Variants in ANKRD44 observed in about 807,000 individuals in gnomAD.
ANKRD44 encodes the protein serine/threonine-protein phosphatase 6 regulatory ankyrin repeat subunit B.
A neutral mutation model predicts 116.0 loss-of-function variants in ANKRD44; 35 were observed. That is an observed-to-expected ratio of 0.30 (90% confidence interval 0.23 to 0.40). The LOEUF is 0.40. ANKRD44 is among the 10% of genes least tolerant of loss of function. ANKRD44 has a pLI of 1.00. For synonymous variants in ANKRD44, 435 were observed against 461.8 expected (o/e 0.94, Z 0.74); for missense variants, 1,014 against 1,242.6 (o/e 0.82, Z 2.77).
At chr2:197,013,323 C>A (rs1206537084) in intron 18 of ANKRD44, among the ~76,000 whole-genome samples, 188 bp downstream of exon 18, 1 of 152,120 alleles carries the variant, frequency 6.6e-6, no homozygotes, top group East Asian at 1.9e-4. Flanking sequence ...GAGCACCTGG[C>A]CAGAGAACAC....
chr2:196,976,375 C>T, intron 21 of ANKRD44, among the ~76,000 whole-genome samples: 1 of 152,014 alleles, frequency 6.6e-6, no homozygotes, highest in Admixed American at 6.6e-5. Context: ...GATTCTTTCC[C>T]CCTAAGATCA....
chr2:197,091,203 C>T (rs1413418472), intron 10 of ANKRD44, among the ~76,000 whole-genome samples: 1 of 152,208 alleles, frequency 6.6e-6, no homozygotes, highest in African/African-American at 2.4e-5. Flanking sequence ...GTTGCAGGCA[C>T]CCCCGCCTGG....
At chr2:197,273,974 AAAAAAAATATATATATATATATAT>A (rs1559208051) in intron 1 of ANKRD44, among the ~76,000 whole-genome samples, 1 of 33,654 alleles carries the variant, frequency 3.0e-5, no homozygotes, top group East Asian at 6.5e-4. Flanking sequence ...AAAAAAAAAA[AAAAAAAATATATATATATATATAT>A]ATATATATAT....
At chr2:196,976,450 G>T (rs1048159998) in intron 21 of ANKRD44, among the ~76,000 whole-genome samples, 4 of 151,996 alleles carry the variant, frequency 2.6e-5, no homozygotes, top group African/African-American at 7.3e-5. Context: ...TTCTAGCCAG[G>T]GAAATTAGTC....
intron 16 of ANKRD44, among the ~76,000 whole-genome samples, chr2:197,046,693 TGGA>T (rs937657890): frequency 1.1e-4 from 16 of 151,770 alleles, no homozygotes; most frequent in African/African-American, 3.9e-4. Flanking sequence ...CATGACCAGC[TGGA>T]GTAGTATACA....
At chr2:197,297,218 T>C (rs908347629) in intron 1 of ANKRD44, among the ~76,000 whole-genome samples, 1 of 152,070 alleles carries the variant, frequency 6.6e-6, no homozygotes, top group Non-Finnish European at 1.5e-5. Context: ...GAAAGAAAAA[T>C]GTAATTCCTA....
At chr2:197,191,295 C>T (rs1574240537) in intron 1 of ANKRD44, among the ~76,000 whole-genome samples, 1 of 152,186 alleles carries the variant, frequency 6.6e-6, no homozygotes, top group Non-Finnish European at 1.5e-5. Flanking sequence ...TAGCCCCCTA[C>T]TACCTTTCCA....
At chr2:197,117,304 A>G (rs2078735186) in intron 8 of ANKRD44, among the ~76,000 whole-genome samples, 1 of 151,878 alleles carries the variant, frequency 6.6e-6, no homozygotes, top group South Asian at 2.1e-4. Context: ...CAGTGGTGGG[A>G]TCTCAACTCA....
intron 27 of ANKRD44, chr2:196,989,855 A>C (rs2075888079): frequency 1.6e-6 from 2 of 1,248,500 alleles, no homozygotes; most frequent in Non-Finnish European, 2.0e-6. Flanking sequence ...GATGATTCTG[A>C]TGTTTTTTAA....
intron 9 of ANKRD44, among the ~76,000 whole-genome samples, chr2:197,101,144 T>C (rs1043865387): frequency 6.6e-6 from 1 of 152,200 alleles, no homozygotes; most frequent in African/African-American, 2.4e-5. Context: ...TATCTTGTTG[T>C]TTTAATCCAG....
intron 1 of ANKRD44, among the ~76,000 whole-genome samples, chr2:197,292,804 T>C (rs140546334): frequency 3.9e-5 from 6 of 152,338 alleles, no homozygotes; most frequent in African/African-American, 1.4e-4. Flanking sequence ...CTTAGCAAGA[T>C]GCTTTAAACC....
chr2:197,155,379 T>C (rs2079783282), intron 2 of ANKRD44, among the ~76,000 whole-genome samples: 1 of 152,062 alleles, frequency 6.6e-6, no homozygotes, highest in Non-Finnish European at 1.5e-5. Context: ...CAAGCCTTGG[T>C]AAATACAATG....
intron 1 of ANKRD44, among the ~76,000 whole-genome samples, chr2:197,256,408 T>TC (rs1158813533): frequency 6.6e-6 from 1 of 152,144 alleles, no homozygotes; most frequent in Non-Finnish European, 1.5e-5. Flanking sequence ...ATTTAGATGT[T>TC]CTCCATATAC....
intron 21 of ANKRD44, among the ~76,000 whole-genome samples, chr2:196,979,536 A>G (rs1449537469): frequency 7.0e-6 from 1 of 142,986 alleles, no homozygotes; most frequent in Non-Finnish European, 1.5e-5. Context: ...AAGCAGCCTG[A>G]GTAATTTAAT....
intron 20 of ANKRD44, 145 bp downstream of exon 20, chr2:197,007,661 T>C (rs1037723984): frequency 3.7e-5 from 23 of 619,692 alleles, no homozygotes; most frequent in Admixed American, 1.9e-4. Context: ...TGAATAAGGT[T>C]AATTGGTTGT....
intron 1 of ANKRD44, among the ~76,000 whole-genome samples, chr2:197,269,978 A>G (rs898502257): frequency 5.3e-5 from 8 of 152,134 alleles, no homozygotes; most frequent in Admixed American, 4.6e-4. Context: ...TCTGGATAGG[A>G]CACTTCCATG....
At chr2:196,995,537 T>G in intron 25 of ANKRD44, 76 bp from the exon 26 acceptor site, 1 of 1,119,158 alleles carries the variant, frequency 8.9e-7, no homozygotes, top group Admixed American at 2.1e-5. Context: ...TTCATTATGA[T>G]TTAAATTGAA....
In ANKRD44 at chr2:197,112,698, A is replaced by G. The variant is rs1479769896; in HGVS notation, c.907-1854T>C. Among the ~76,000 whole-genome samples, 28 of 142,904 alleles carry G rather than the reference A, an allele frequency of 2.0e-4. No individual in the cohort carries two copies. In the Admixed American group the frequency reaches 2.0e-3, roughly 10 times the overall value. The allele number at this position is 142,904 out of a possible 152,430, so 93.8% of individuals were successfully genotyped here. A position where few individuals can be genotyped will look rare whatever the true frequency, so the allele number is the denominator to read the frequency against. Reference sequence around the variant, plus strand: ...ACTCCAGCCTGGGCGACAGAGCGAGACTCCGTCTCAAAAAAAAAAAAAAAG... The same window carrying G: ...ACTCCAGCCTGGGCGACAGAGCGAGGCTCCGTCTCAAAAAAAAAAAAAAAG... On this transcript the variant is annotated intron_variant, in intron 8 of 27. Coordinates refer to ENST00000282272, the MANE Select transcript of ANKRD44 (RefSeq NM_001195144.2).
intron 11 of ANKRD44, among the ~76,000 whole-genome samples, chr2:197,089,264 G>A (rs1339813976): frequency 1.3e-5 from 2 of 152,038 alleles, no homozygotes; most frequent in African/African-American, 4.8e-5. Context: ...TCAGCCATAG[G>A]TAAAGTACTT....
Sources: allele counts gnomAD v4.1 joint callset (sites outside exome capture counted in the v4.1 genomes callset), GRCh38; gene constraint gnomAD v4.1.1; transcripts MANE v1.5; gene names NCBI Gene and HGNC (gene_info 2026-07-23, HGNC 2026-07-21).